AP3S2: variants seen among roughly 807,000 people sequenced by gnomAD.
AP3S2 encodes the protein adaptor related protein complex 3 subunit sigma 2.
A neutral mutation model predicts 23.4 loss-of-function variants in AP3S2; 22 were observed. That is an observed-to-expected ratio of 0.94 (90% CI 0.67 to 1.34). The LOEUF (loss-of-function observed/expected upper bound fraction) is 1.34. Ranked by LOEUF, AP3S2 falls within the 40% of genes most tolerant of loss-of-function variation. The pLI is 0.00. For synonymous variants in AP3S2, 86 were observed against 87.1 expected (o/e 0.99, Z 0.07); for missense variants, 241 against 236.9 (o/e 1.02, Z -0.11).
At chr15:89,891,867 C>G (rs1896828956) in intron 1 of AP3S2, among the ~76,000 whole-genome samples, 1 of 152,098 alleles carries the variant, frequency 6.6e-6, no homozygotes, top group Non-Finnish European at 1.5e-5. Context: ...ACCATATGAT[C>G]CAGCAATTCT....
intron 4 of AP3S2, among the ~76,000 whole-genome samples, chr15:89,861,280 G>A (rs1034586951): frequency 6.6e-6 from 1 of 152,042 alleles, no homozygotes; most frequent in African/African-American, 2.4e-5. Context: ...ATTCTCTTGA[G>A]AGGGCCCACT....
In AP3S2 at chr15:89,867,468, C is replaced by T. The variant is rs1327299701; in HGVS notation, c.345+4007G>A. ...GAAGTGAGGAGTGTCTCTGCCTGGC[C>T]GCCCATCGTCTGGGATGTGAGGAGC... On this transcript the variant is annotated intron_variant, in intron 4 of 5. Transcript: ENST00000336418. 4.3e-3 allele frequency among the ~76,000 whole-genome samples: 636 copies of T among 149,394 alleles called. 5 individuals carry two copies. The highest frequency in any genetic ancestry group is 0.015 in the African/African-American group (616 of 40,948).
At chr15:89,855,686 T>TA (rs1258348915) in intron 4 of AP3S2, among the ~76,000 whole-genome samples, 3 of 115,784 alleles carry the variant, frequency 2.6e-5, no homozygotes, top group Non-Finnish European at 5.7e-5. Flanking sequence ...CCGTCTCTAC[T>TA]AAAAATAAAA....
chr15:89,845,592 A>G (rs1261169775), intron 4 of AP3S2: 1 of 152,260 alleles, frequency 6.6e-6, no homozygotes, highest in African/African-American at 2.4e-5. Context: ...GTTCTGTTAA[A>G]CAACAGAAGT....
intron 1 of AP3S2, 52 bp downstream of exon 1, chr15:89,893,829 G>T: frequency 6.5e-7 from 1 of 1,543,698 alleles, no homozygotes. Flanking sequence ...AAAGAGGAGG[G>T]AAGACATAGT....
At chr15:89,846,463 T>A (rs1895492018) in intron 4 of AP3S2, among the ~76,000 whole-genome samples, 1 of 152,062 alleles carries the variant, frequency 6.6e-6, no homozygotes, top group South Asian at 2.1e-4. Context: ...ATTCAAGCGA[T>A]CCTACAGCCT....
At chr15:89,890,015 GA>G (rs1347016277) in intron 1 of AP3S2, among the ~76,000 whole-genome samples, 1 of 151,954 alleles carries the variant, frequency 6.6e-6, no homozygotes, top group African/African-American at 2.4e-5. Context: ...GTATTATTGA[GA>G]AAAATAGATT....
In AP3S2 at chr15:89,853,997, C is replaced by T. The variant is rs1250859197; in HGVS notation, c.346-16275G>A. ...GTGAGGAGCGTCTCCGCCCGGCAGC[C>T]ACCCCGTCCGGGAGGGACGTGGGGG... On this transcript the variant is annotated intron_variant, in intron 4 of 5. Coordinates refer to ENST00000336418, the MANE Select transcript of AP3S2 (RefSeq NM_005829.5). 6.0e-5 allele frequency among the ~76,000 whole-genome samples: 3 copies of T among 50,338 alleles called. 1 individual carries two copies. The highest frequency in any genetic ancestry group is 1.2e-4 in the Non-Finnish European group (3 of 24,308). The allele number at this position is 50,338 out of a possible 152,430, so 33.0% of individuals were successfully genotyped here. A position where few individuals can be genotyped will look rare whatever the true frequency, so the allele number is the denominator to read the frequency against.
At chr15:89,889,232 C>T (rs185824852) in intron 1 of AP3S2, 92 bp from the exon 2 acceptor site, 249 of 1,334,676 alleles carry the variant, frequency 1.9e-4, no homozygotes, top group African/African-American at 1.3e-3. Context: ...TGTTTCTAAG[C>T]TGGGAACATC....
At chr15:89,858,398 G>A (rs1189664908) in intron 4 of AP3S2, among the ~76,000 whole-genome samples, 2 of 151,356 alleles carry the variant, frequency 1.3e-5, no homozygotes, top group East Asian at 1.9e-4. Flanking sequence ...CCGAGATCAC[G>A]TCATTGCACT....
In AP3S2 at chr15:89,891,413, C is replaced by T. The variant is rs746910079; in HGVS notation, c.70-2273G>A. ...GTGGCTCACGCCTGTAATCCCTGCA[C>T]TTTGGGAGGCCAAGACGGGCAGATT... On this transcript the variant is annotated intron_variant, in intron 1 of 5. Coordinates refer to ENST00000336418, the MANE Select transcript of AP3S2 (RefSeq NM_005829.5). Among the ~76,000 whole-genome samples the T allele has an allele frequency of 6.6e-5, 10 of 152,310 alleles. 1 individual carries two copies. The highest frequency in any genetic ancestry group is 6.2e-4 in the South Asian group (3 of 4,820).
At chr15:89,842,776 C>A (rs971617274) in intron 4 of AP3S2, among the ~76,000 whole-genome samples, 1 of 152,062 alleles carries the variant, frequency 6.6e-6, no homozygotes, top group African/African-American at 2.4e-5. Context: ...CCATGCCCAG[C>A]TAATTTTTGT....
intron 3 of AP3S2, among the ~76,000 whole-genome samples, chr15:89,886,074 G>A (rs1298897338): frequency 6.6e-6 from 1 of 151,956 alleles, no homozygotes; most frequent in African/African-American, 2.4e-5. Flanking sequence ...TTAGAGGCCG[G>A]GCGCAGTGGT....
intron 4 of AP3S2, among the ~76,000 whole-genome samples, chr15:89,851,340 C>T (rs1360924015): frequency 6.6e-6 from 1 of 151,616 alleles, no homozygotes; most frequent in Non-Finnish European, 1.5e-5. Flanking sequence ...ACTAATTCAT[C>T]TTCTTTTTTT....
intron 4 of AP3S2, among the ~76,000 whole-genome samples, chr15:89,856,965 G>C (rs1895855626): frequency 6.6e-6 from 1 of 151,916 alleles, no homozygotes; most frequent in Admixed American, 6.6e-5. Flanking sequence ...AACTCTGACT[G>C]TCCTGTATTG....
chr15:89,893,888 T>C lies in AP3S2; in HGVS notation c.62A>G (p.Gln21Arg), dbSNP rs376993931. ...HGKPRLVRFYQRFPEEIQQQI... is the reference protein window; with the variant it reads ...HGKPRLVRFYRRFPEEIQQQI... Reference sequence around the variant, plus strand: ...AAGCCGGGCCGCACTCACGAAACGCTGGTAGAAGCGGACTAGCCGTGGCTT... The same window carrying C: ...AAGCCGGGCCGCACTCACGAAACGCCGGTAGAAGCGGACTAGCCGTGGCTT... The change falls in exon 1 of 6, where the codon CAG becomes CGG. Residue 21 changes from glutamine to arginine, a missense_variant. Transcript: ENST00000336418. The C allele has an allele frequency of 9.0e-6, 14 of 1,551,604 alleles. No homozygotes were observed. The highest frequency in any genetic ancestry group is 1.2e-5 in the Non-Finnish European group (14 of 1,146,994).
chr15:89,885,969 G>A (rs538102454), intron 3 of AP3S2, among the ~76,000 whole-genome samples: 1,498 of 149,130 alleles, frequency 0.01, 23 homozygotes, highest in African/African-American at 0.035. Flanking sequence ...AAACTTTTTA[G>A]TTCCTATTAT....
intron 4 of AP3S2, among the ~76,000 whole-genome samples, chr15:89,868,599 CGTCTGGG>C (rs1896224949): frequency 1.6e-5 from 2 of 123,784 alleles, no homozygotes; most frequent in Admixed American, 1.5e-4. Context: ...CCAGCCGCCC[CGTCTGGG>C]AGGTGAGGGG....
At chr15:89,872,920 T>G (rs1896354357) in intron 3 of AP3S2, among the ~76,000 whole-genome samples, 1 of 152,202 alleles carries the variant, frequency 6.6e-6, no homozygotes, top group Non-Finnish European at 1.5e-5. Flanking sequence ...ACCAACCATT[T>G]TGGAAAACTA....
Sources: allele counts gnomAD v4.1 joint callset (sites outside exome capture counted in the v4.1 genomes callset), GRCh38; gene constraint gnomAD v4.1.1; transcripts MANE v1.5; gene names NCBI Gene and HGNC (gene_info 2026-07-23, HGNC 2026-07-21).